Variants in GALK2 observed in about 807,000 individuals in gnomAD.
The protein encoded by GALK2 is N-acetylgalactosamine kinase.
A neutral mutation model predicts 52.4 loss-of-function variants in GALK2; 36 were observed. The observed-to-expected ratio is 0.69, with a 90% CI of 0.53 to 0.91. The LOEUF (loss-of-function observed/expected upper bound fraction) is 0.91, where lower values mean the gene tolerates loss of function less well. Among genes scored for constraint, GALK2 ranks in the 40% least tolerant of loss-of-function variants. GALK2 has a pLI of 0.00. For synonymous variants in GALK2, 176 were observed against 199.1 expected (o/e 0.88, Z 0.98); for missense variants, 579 against 559.1 (o/e 1.04, Z -0.36).
intron 5 of GALK2, among the ~76,000 whole-genome samples, chr15:49,269,372 T>C (rs2030013888): frequency 6.6e-6 from 1 of 152,146 alleles, no homozygotes; most frequent in African/African-American, 2.4e-5. Flanking sequence ...GCTCTTGTGG[T>C]AGTCTCAACT....
At chr15:49,274,842 C>T (rs997753508) in intron 5 of GALK2, among the ~76,000 whole-genome samples, 41 of 152,144 alleles carry the variant, frequency 2.7e-4, no homozygotes, top group African/African-American at 9.2e-4. Context: ...TGTGTTCCAC[C>T]TCCACCTCTT....
chr15:49,359,866 T>A (rs2151389081), intron 3 of GALK2, among the ~76,000 whole-genome samples: 1 of 143,474 alleles, frequency 7.0e-6, no homozygotes, highest in Non-Finnish European at 1.5e-5. Context: ...TAGACTGGAT[T>A]AAGAAAATGT....
chr15:49,344,741 G>C (rs1232877973), intron 3 of GALK2, among the ~76,000 whole-genome samples: 1 of 152,046 alleles, frequency 6.6e-6, no homozygotes, highest in East Asian at 1.9e-4. Flanking sequence ...TCCCCACTTT[G>C]GCTGTCACAG....
At chr15:49,312,371 A>G (rs1244084598) in intron 8 of GALK2, among the ~76,000 whole-genome samples, 3 of 152,154 alleles carry the variant, frequency 2.0e-5, no homozygotes, top group African/African-American at 7.2e-5. Flanking sequence ...CCTGTGTCAG[A>G]TGCTTGTTTC....
At chr15:49,243,292 G>C (rs1431168531) in intron 5 of GALK2, among the ~76,000 whole-genome samples, 2 of 152,168 alleles carry the variant, frequency 1.3e-5, no homozygotes, top group Non-Finnish European at 2.9e-5. Context: ...GGACGAGAAA[G>C]ACTTGAAAAC....
At chr15:49,156,003 G>T in exon 1 of GALK2, 3 of 1,614,164 alleles carry the variant, frequency 1.9e-6, no homozygotes, top group Non-Finnish European at 2.5e-6. Flanking sequence ...TGACATGCCC[G>T]TCCTATATGA....
chr15:49,214,332 C>CT (rs35359586), intron 2 of GALK2, among the ~76,000 whole-genome samples: 47,713 of 126,532 alleles, frequency 0.38, 9,803 homozygotes, highest in African/African-American at 0.42. Flanking sequence ...CACTTTGTCA[C>CT]TTTTTTTTTT....
chr15:49,329,310 TAG>T lies in GALK2; in HGVS notation c.*1152_*1153del. 1.0e-6 allele frequency: 1 copy of T among 985,438 alleles called. No individual in the cohort carries two copies. Among genetic ancestry groups the T allele is most frequent in the Non-Finnish European group, 1.2e-6 (1 of 829,936 alleles). The allele number at this position is 985,438 out of a possible 1,614,324, so 61.0% of individuals were successfully genotyped here. A position where few individuals can be genotyped will look rare whatever the true frequency, so the allele number is the denominator to read the frequency against. On this transcript the variant is annotated 3_prime_UTR_variant, in exon 10 of 10. Transcript: ENST00000560031. ...CTGGCTTTCTCTTGTGGATGGACTA[TAG>T]GAAGCACTTTCTGAATTATGTAATG...
chr15:49,336,386 T>C (rs1217117192), downstream of GALK2, among the ~76,000 whole-genome samples: 2 of 152,188 alleles, frequency 1.3e-5, no homozygotes, highest in Non-Finnish European at 2.9e-5. Flanking sequence ...TTGGCCAGTA[T>C]TGGCCAATAT....
At chr15:49,355,269 G>T (rs2042947519) in intron 3 of GALK2, among the ~76,000 whole-genome samples, 2 of 152,154 alleles carry the variant, frequency 1.3e-5, no homozygotes, top group South Asian at 2.1e-4. Flanking sequence ...AGAGAAGAAG[G>T]CTTCAGACTA....
chr15:49,230,894 G>C (rs2090464145), intron 3 of GALK2, among the ~76,000 whole-genome samples: 1 of 152,204 alleles, frequency 6.6e-6, no homozygotes, highest in Non-Finnish European at 1.5e-5. Flanking sequence ...GCAGGGTTGA[G>C]AATTGGTGGG....
chr15:49,248,141 G>A (rs189193274), intron 5 of GALK2, among the ~76,000 whole-genome samples: 1 of 152,110 alleles, frequency 6.6e-6, no homozygotes, highest in Admixed American at 6.6e-5. Flanking sequence ...AATATTTCTT[G>A]GCCTTCAGAA....
intron 3 of GALK2, among the ~76,000 whole-genome samples, chr15:49,220,738 C>T (rs1168051390): frequency 6.6e-6 from 1 of 152,142 alleles, no homozygotes; most frequent in Admixed American, 6.5e-5. Context: ...TCCTTACCAG[C>T]ATCTGTTTTC....
intron 8 of GALK2, among the ~76,000 whole-genome samples, chr15:49,296,646 C>G (rs1468173543): frequency 6.6e-6 from 1 of 151,430 alleles, no homozygotes; most frequent in Non-Finnish European, 1.5e-5. Context: ...GTAGCCTAGG[C>G]TGGAGTGCAG....
At chr15:49,236,054 C>G in intron 4 of GALK2, 113 bp downstream of exon 4, 1 of 707,418 alleles carries the variant, frequency 1.4e-6, no homozygotes, top group Non-Finnish European at 2.4e-6. Context: ...ACCGATGCTT[C>G]TGTTCTATTT....
At chr15:49,201,113 C>A in intron 1 of GALK2, 49 bp from the exon 2 acceptor site, 1 of 953,286 alleles carries the variant, frequency 1.0e-6, no homozygotes, top group East Asian at 2.5e-5. Context: ...TGTTATGTTA[C>A]GGATTTTCTG....
At chr15:49,352,593 G>C (rs771974966) in intron 3 of GALK2, among the ~76,000 whole-genome samples, 3 of 152,066 alleles carry the variant, frequency 2.0e-5, no homozygotes, top group Non-Finnish European at 4.4e-5. Flanking sequence ...CCTATTCTGT[G>C]TTATGCATAA....
intron 3 of GALK2, among the ~76,000 whole-genome samples, chr15:49,228,714 G>A (rs139441241): frequency 0.029 from 592 of 20,686 alleles, 13 homozygotes; most frequent in African/African-American, 0.063. Context: ...TTTTTTTTGC[G>A]ATGGAGTCTC....
chr15:49,170,512 G>A lies in GALK2; in HGVS notation c.53+137G>A, dbSNP rs1053767671. ...AGTGGAACCCTTGGGATTCTATAAG[G>A]ACACGTGGCTGGGCTTGCAAAAAAG... On this transcript the variant is annotated intron_variant, in intron 1 of 9. Coordinates refer to ENST00000560031, the MANE Select transcript of GALK2 (RefSeq NM_002044.4). 8 of 788,110 alleles carry A rather than the reference G, an allele frequency of 1.0e-5. No homozygotes were observed. In the African/African-American group the frequency reaches 1.4e-4, roughly 14 times the overall value. The allele number at this position is 788,110 out of a possible 1,614,324, so 48.8% of individuals were successfully genotyped here. A position where few individuals can be genotyped will look rare whatever the true frequency, so the allele number is the denominator to read the frequency against.
Sources: allele counts gnomAD v4.1 joint callset (sites outside exome capture counted in the v4.1 genomes callset), GRCh38; gene constraint gnomAD v4.1.1; transcripts MANE v1.5; gene names NCBI Gene and HGNC (gene_info 2026-07-23, HGNC 2026-07-21).